Variants in GALNTL6 observed in about 807,000 individuals in gnomAD.
GALNTL6 encodes the protein polypeptide N-acetylgalactosaminyltransferase like 6, also known as polypeptide N-acetylgalactosaminyltransferase-like 6.
Under a neutral mutation model 73.7 loss-of-function variants are expected in GALNTL6, and 46 were observed. The observed-to-expected ratio is 0.62, with a 90% CI of 0.49 to 0.80. GALNTL6 has a LOEUF of 0.80. Ranked by LOEUF, GALNTL6 falls within the 30% of genes least tolerant of loss-of-function variation. GALNTL6 has a pLI of 0.00. For missense variants in GALNTL6, 604 were observed against 755.0 expected (o/e 0.80, Z 2.34); for synonymous variants, 259 against 263.7 (o/e 0.98, Z 0.17).
At chr4:172,593,320 TTAA>T (rs1425415655) in intron 5 of GALNTL6, among the ~76,000 whole-genome samples, 2 of 152,250 alleles carry the variant, frequency 1.3e-5, no homozygotes, top group Non-Finnish European at 2.9e-5. Flanking sequence ...TTCTCTCATA[TTAA>T]ATGCTGAATT....
chr4:172,586,862 G>A (rs983203182), intron 5 of GALNTL6, among the ~76,000 whole-genome samples: 1 of 152,200 alleles, frequency 6.6e-6, no homozygotes, highest in African/African-American at 2.4e-5. Flanking sequence ...AGTAGAGCAA[G>A]TGTTGGCCTA....
intron 5 of GALNTL6, among the ~76,000 whole-genome samples, chr4:172,640,288 TTC>T (rs1282528606): frequency 6.6e-6 from 1 of 152,088 alleles, no homozygotes; most frequent in Non-Finnish European, 1.5e-5. Context: ...AAAGGAAACA[TTC>T]TGTGTGTTTC....
At chr4:172,883,001 T>C (rs1326457137) in intron 8 of GALNTL6, 94 bp downstream of exon 8, 2 of 703,144 alleles carry the variant, frequency 2.8e-6, no homozygotes, top group East Asian at 2.6e-5. Context: ...TGTTCTGGGA[T>C]GACTTAATGG....
chr4:172,755,587 C>T (rs1328794151), intron 5 of GALNTL6, among the ~76,000 whole-genome samples: 1 of 152,164 alleles, frequency 6.6e-6, no homozygotes, highest in African/African-American at 2.4e-5. Flanking sequence ...AATAACAAAA[C>T]TACAGTCTTT....
At chr4:172,440,092 G>T (rs1384263714) in intron 5 of GALNTL6, among the ~76,000 whole-genome samples, 1 of 151,918 alleles carries the variant, frequency 6.6e-6, no homozygotes, top group Non-Finnish European at 1.5e-5. Flanking sequence ...ACAGTTTAGT[G>T]GTCTCTTTAA....
At chr4:172,420,754 G>A (rs1731024497) in intron 5 of GALNTL6, among the ~76,000 whole-genome samples, 1 of 151,928 alleles carries the variant, frequency 6.6e-6, no homozygotes, top group African/African-American at 2.4e-5. Flanking sequence ...GCAAAGACTT[G>A]GAACCAACCC....
rs546264213 is a variant in GALNTL6, at chr4:172,988,190, A to G, written c.1372-20988A>G. Among the ~76,000 whole-genome samples, 170 of 152,314 alleles carry G rather than the reference A, an allele frequency of 1.1e-3. 6 individuals are homozygous for G. The South Asian group carries it at 0.034, about 31-fold the overall frequency. ...CCAAAATGCCAATAGTAATATGGACAATGAAGTCCAGGCTGAGGTGGTCTC... is the reference window on the plus strand; with the variant it reads ...CCAAAATGCCAATAGTAATATGGACGATGAAGTCCAGGCTGAGGTGGTCTC... On this transcript the variant is annotated intron_variant, in intron 10 of 12. Coordinates refer to ENST00000506823, the MANE Select transcript of GALNTL6 (RefSeq NM_001034845.3).
intron 2 of GALNTL6, among the ~76,000 whole-genome samples, chr4:171,847,168 A>T (rs1201139585): frequency 6.6e-6 from 1 of 151,980 alleles, no homozygotes; most frequent in Non-Finnish European, 1.5e-5. Flanking sequence ...GAGATATTGC[A>T]GATTTGGTTC....
At chr4:172,486,386 A>G (rs934870861) in intron 5 of GALNTL6, among the ~76,000 whole-genome samples, 8 of 152,216 alleles carry the variant, frequency 5.3e-5, no homozygotes, top group Non-Finnish European at 1.0e-4. Context: ...GAGATGAGCT[A>G]TGTGGAAACT....
intron 2 of GALNTL6, among the ~76,000 whole-genome samples, chr4:171,926,534 A>G (rs1180084911): frequency 6.6e-6 from 1 of 152,134 alleles, no homozygotes; most frequent in Non-Finnish European, 1.5e-5. Flanking sequence ...TACACCTTCA[A>G]CTTTGCTAGG....
chr4:172,711,755 G>A (rs373236788), intron 5 of GALNTL6, among the ~76,000 whole-genome samples: 22 of 152,162 alleles, frequency 1.4e-4, no homozygotes, highest in Non-Finnish European at 3.1e-4. Flanking sequence ...TCAAGGAGGC[G>A]CAGTCTGAGC....
At chr4:172,264,702 A>G (rs1738393242) in intron 3 of GALNTL6, among the ~76,000 whole-genome samples, 1 of 149,178 alleles carries the variant, frequency 6.7e-6, no homozygotes, top group Non-Finnish European at 1.5e-5. Context: ...AACAGTTTTC[A>G]TATTATCTAG....
intron 2 of GALNTL6, among the ~76,000 whole-genome samples, chr4:172,117,172 T>G (rs141552234): frequency 6.6e-6 from 1 of 152,280 alleles, no homozygotes; most frequent in African/African-American, 2.4e-5. Flanking sequence ...CCAACGTAAT[T>G]CTAACTCTCA....
At chr4:172,770,510 G>T (rs965799939) in intron 5 of GALNTL6, among the ~76,000 whole-genome samples, 4 of 152,020 alleles carry the variant, frequency 2.6e-5, no homozygotes, top group Admixed American at 6.6e-5. Context: ...ACTTACTTGC[G>T]ATTTTAAATC....
At chr4:172,379,989 G>A (rs1561056064) in intron 5 of GALNTL6, 2 of 846,620 alleles carry the variant, frequency 2.4e-6, no homozygotes, top group East Asian at 5.1e-5. Flanking sequence ...AGTCTTGGCA[G>A]AACAGGAGAA....
chr4:171,978,247 A>G (rs970121779), intron 2 of GALNTL6, among the ~76,000 whole-genome samples: 1 of 148,768 alleles, frequency 6.7e-6, no homozygotes, highest in Non-Finnish European at 1.5e-5. Context: ...GTGAGTTGTT[A>G]TATATACTAA....
intron 2 of GALNTL6, among the ~76,000 whole-genome samples, chr4:171,831,501 T>G (rs1734970566): frequency 6.6e-6 from 1 of 152,000 alleles, no homozygotes; most frequent in African/African-American, 2.4e-5. Context: ...GGTCAACTTT[T>G]CATTTTTAAA....
chr4:172,698,686 G>A (rs971908031), intron 5 of GALNTL6, among the ~76,000 whole-genome samples: 5 of 152,150 alleles, frequency 3.3e-5, no homozygotes, highest in African/African-American at 1.2e-4. Context: ...ATGGGGAATG[G>A]GAGTCACATA....
At chr4:172,057,714 AAAAAAAAAAAAAAATATATAT>A (rs1367834212) in intron 2 of GALNTL6, among the ~76,000 whole-genome samples, 1 of 76,592 alleles carries the variant, frequency 1.3e-5, no homozygotes, top group African/African-American at 4.5e-5. Context: ...AAAAAAAAAA[AAAAAAAAAAAAAAATATATAT>A]ATATATATAT....
Sources: gnomAD v4.1 joint callset for allele counts (sites outside exome capture counted in the v4.1 genomes callset) on GRCh38, gnomAD v4.1.1 for gene constraint, MANE v1.5 for transcripts, NCBI Gene and HGNC (gene_info 2026-07-23, HGNC 2026-07-21) for gene names.